The following INPP4B variants were observed in gnomAD, a reference collection of about 807,000 sequenced individuals.
The protein encoded by INPP4B is inositol polyphosphate-4-phosphatase type II B, also known as inositol polyphosphate 4-phosphatase type II.
A neutral mutation model predicts 122.5 loss-of-function variants in INPP4B; 55 were observed. The ratio of observed to expected loss-of-function variants is 0.45; its 90% CI spans 0.36 to 0.56. The LOEUF is 0.56. Among genes scored for constraint, INPP4B ranks in the 20% least tolerant of loss-of-function variants. INPP4B has a pLI of 0.00. For missense variants in INPP4B, 1,000 were observed against 1,097.7 expected (o/e 0.91, Z 1.26); for synonymous variants, 403 against 388.7 (o/e 1.04, Z -0.43).
At chr4:142,755,942 G>C (rs556080180) in intron 1 of INPP4B, among the ~76,000 whole-genome samples, 106 of 152,072 alleles carry the variant, frequency 7.0e-4, no homozygotes, top group Non-Finnish European at 9.7e-4. Context: ...ATTTTGTTTA[G>C]GTCTTGTTCA....
chr4:142,510,564 A>C (rs1824583270), intron 2 of INPP4B, among the ~76,000 whole-genome samples: 1 of 152,204 alleles, frequency 6.6e-6, no homozygotes, highest in South Asian at 2.1e-4. Flanking sequence ...CTGGCTCAAA[A>C]TATTTGTAGG....
intron 25 of INPP4B, among the ~76,000 whole-genome samples, chr4:142,061,466 C>A (rs986668046): frequency 3.9e-5 from 6 of 152,008 alleles, no homozygotes; most frequent in Non-Finnish European, 4.4e-5. Context: ...ACATTTTATT[C>A]TGTTACCAAA....
intron 7 of INPP4B, among the ~76,000 whole-genome samples, chr4:142,340,514 C>T (rs1029573455): frequency 1.6e-4 from 24 of 152,016 alleles, no homozygotes; most frequent in African/African-American, 5.8e-4. Context: ...CTCAAGGGAT[C>T]CTCCCACCTC....
intron 9 of INPP4B, among the ~76,000 whole-genome samples, chr4:142,292,404 CA>C (rs1198116990): frequency 6.6e-6 from 1 of 152,068 alleles, no homozygotes; most frequent in Admixed American, 6.6e-5. Context: ...CGTCAATAGC[CA>C]AAAAATTTAG....
intron 2 of INPP4B, among the ~76,000 whole-genome samples, chr4:142,475,333 A>G (rs1819631235): frequency 6.6e-6 from 1 of 152,160 alleles, no homozygotes. Flanking sequence ...CAAACAAAAA[A>G]ACATCTAAAG....
Position 142,237,876 on chromosome 4 carries a change from T to C in INPP4B, c.824A>G (p.Glu275Gly), listed in dbSNP as rs1561571565. The stretch of plus-strand genomic sequence containing the variant: ...TATTTTCTCTTACCTGCACAAATCT[T>C]CTTTAATGTGAAGGGAAATCAATTC... ...PKELISLHIK[E>G]DLCRNQEIKE... is the part of the protein sequence containing the mutation. Residue 275 changes from glutamate to glycine, a missense_variant, in exon 12 of 26, where the codon GAA becomes GGA. Transcript: ENST00000262992. 2 of 1,562,268 alleles carry C rather than the reference T, an allele frequency of 1.3e-6. No individual in the cohort carries two copies. Among genetic ancestry groups the C allele is most frequent in the Non-Finnish European group, 1.8e-6 (2 of 1,140,560 alleles).
At chr4:142,252,706 G>A (rs975320069) in intron 11 of INPP4B, among the ~76,000 whole-genome samples, 1 of 152,124 alleles carries the variant, frequency 6.6e-6, no homozygotes, top group Non-Finnish European at 1.5e-5. Context: ...ATGTACAAAT[G>A]TGATTATTAA....
At chr4:142,785,392 T>C in intron 1 of INPP4B, among the ~76,000 whole-genome samples, 1 of 151,938 alleles carries the variant, frequency 6.6e-6, no homozygotes. Context: ...GATAAAAAAA[T>C]TAAAATAATT....
intron 2 of INPP4B, among the ~76,000 whole-genome samples, chr4:142,516,436 C>G (rs1825417606): frequency 6.6e-6 from 1 of 152,082 alleles, no homozygotes; most frequent in Admixed American, 6.6e-5. Context: ...TTCATTACTC[C>G]AACCCTGTCA....
At chr4:142,370,654 C>T (rs188089319) in intron 7 of INPP4B, among the ~76,000 whole-genome samples, 13 of 151,810 alleles carry the variant, frequency 8.6e-5, no homozygotes, top group African/African-American at 3.1e-4. Flanking sequence ...AAATAACTAA[C>T]TGAAAAAGAA....
chr4:142,788,325 A>G (rs545582734), intron 1 of INPP4B, among the ~76,000 whole-genome samples: 8 of 152,274 alleles, frequency 5.3e-5, no homozygotes, highest in African/African-American at 1.9e-4. Flanking sequence ...CTCATATAAA[A>G]GAATAGAAGA....
intron 25 of INPP4B, among the ~76,000 whole-genome samples, chr4:142,067,331 T>C (rs1278583259): frequency 1.3e-4 from 20 of 152,090 alleles, no homozygotes; most frequent in Admixed American, 1.3e-3. Flanking sequence ...TACATCACCA[T>C]CATCAAAGAC....
intron 1 of INPP4B, among the ~76,000 whole-genome samples, chr4:142,814,967 C>A (rs1319377362): frequency 2.0e-5 from 3 of 152,100 alleles, no homozygotes; most frequent in Admixed American, 2.0e-4. Context: ...GCAGTGGAGA[C>A]TCCTGATAAA....
intron 2 of INPP4B, among the ~76,000 whole-genome samples, chr4:142,640,171 C>T (rs2150475050): frequency 6.6e-6 from 1 of 151,922 alleles, no homozygotes; most frequent in Admixed American, 6.6e-5. Flanking sequence ...AATAAGAGCA[C>T]TAACAGATAT....
intron 7 of INPP4B, among the ~76,000 whole-genome samples, chr4:142,339,601 G>T (rs958890358): frequency 6.6e-6 from 1 of 152,134 alleles, no homozygotes; most frequent in Non-Finnish European, 1.5e-5. Context: ...TGGAAAGCAC[G>T]TCCCTCACAC....
chr4:142,468,138 A>G (rs896775517), intron 2 of INPP4B: 2 of 152,182 alleles, frequency 1.3e-5, no homozygotes, highest in African/African-American at 2.4e-5. Flanking sequence ...TACAAAAGCA[A>G]ATTAACACAG....
chr4:142,386,140 T>G (rs1044731852), intron 7 of INPP4B, among the ~76,000 whole-genome samples: 1 of 152,134 alleles, frequency 6.6e-6, no homozygotes, highest in Non-Finnish European at 1.5e-5. Flanking sequence ...CAGATGTGTC[T>G]TTCTGTGCCT....
At chr4:142,410,780 T>A (rs79390402) in intron 5 of INPP4B, among the ~76,000 whole-genome samples, 10,331 of 152,256 alleles carry the variant, frequency 0.068, 484 homozygotes, top group Middle Eastern at 0.1. Flanking sequence ...TATAGAATGC[T>A]AATATATGAG....
In INPP4B at chr4:142,085,681, C is replaced by T. The variant is rs184708619; in HGVS notation, c.2487+463G>A. Among the ~76,000 whole-genome samples, 776 of 152,260 alleles carry T rather than the reference C, an allele frequency of 5.1e-3. 2 individuals are homozygous for T. Among genetic ancestry groups the T allele is most frequent in the Non-Finnish European group, 7.1e-3 (481 of 68,018 alleles). On this transcript the variant is annotated intron_variant, in intron 24 of 25. Transcript: ENST00000262992. ...AAGAGCAATCCATCAGTAATGAATT[C>T]TATGCCAACATCTAAATTAACAAAC...
Sources: allele counts gnomAD v4.1 joint callset (sites outside exome capture counted in the v4.1 genomes callset), GRCh38; gene constraint gnomAD v4.1.1; transcripts MANE v1.5; gene names NCBI Gene and HGNC (gene_info 2026-07-23, HGNC 2026-07-21).